Variants in FAM135A observed in about 807,000 individuals in gnomAD.
FAM135A encodes family with sequence similarity 135 member A.
A neutral mutation model predicts 146.8 loss-of-function variants in FAM135A; 79 were observed. The observed-to-expected ratio is 0.54, with a 90% CI of 0.45 to 0.65. The LOEUF is 0.65. Among genes scored for constraint, FAM135A ranks in the 30% least tolerant of loss-of-function variants. FAM135A has a pLI of 0.00. For synonymous variants in FAM135A, 562 were observed against 603.6 expected (o/e 0.93, Z 1.01); for missense variants, 1,623 against 1,758.2 (o/e 0.92, Z 1.38).
At chr6:70,537,986 T>G (rs1349388713) in intron 19 of FAM135A, among the ~76,000 whole-genome samples, 1 of 152,344 alleles carries the variant, frequency 6.6e-6, no homozygotes, top group African/African-American at 2.4e-5. Flanking sequence ...TTTGAACAAA[T>G]ATATTGAAAG....
intron 20 of FAM135A, among the ~76,000 whole-genome samples, chr6:70,552,387 C>T (rs114213658): frequency 0.021 from 3,103 of 151,344 alleles, 104 homozygotes; most frequent in African/African-American, 0.071. Context: ...TTAGCTGTGT[C>T]CTTAGTGAAT....
Position 70,452,866 on chromosome 6 carries a change from T to C in FAM135A, c.157+295T>C, listed in dbSNP as rs116845342. ...AGATGCAATCTAAAAAGATACGCAGTAAATGGGAACATATAATTTGACTTA... is the reference window on the plus strand; with the variant it reads ...AGATGCAATCTAAAAAGATACGCAGCAAATGGGAACATATAATTTGACTTA... On this transcript the variant is annotated intron_variant, in intron 5 of 21. Coordinates refer to ENST00000418814, the MANE Select transcript of FAM135A (RefSeq NM_001162529.3). 8.7e-3 allele frequency among the ~76,000 whole-genome samples: 1,320 copies of C among 152,326 alleles called. 9 individuals carry two copies. Among genetic ancestry groups the C allele is most frequent in the Middle Eastern group, 0.027 (8 of 294 alleles).
rs1242891663 is a variant in FAM135A, at chr6:70,542,276, A to ACACACACACACACACACC, written c.4228+3876_4228+3877insACACACACACACACACCC. The stretch of plus-strand genomic sequence containing the variant: ...CACACACACACACACACACACACAC[A>ACACACACACACACACACC]CCCTTTGCTGTGGTCATGCTATTCA... On this transcript the variant is annotated intron_variant, in intron 20 of 21. Transcript: ENST00000418814. Among the ~76,000 whole-genome samples the ACACACACACACACACACC allele has an allele frequency of 7.2e-3, 1,081 of 149,114 alleles. 11 individuals are homozygous for ACACACACACACACACACC. Among genetic ancestry groups the ACACACACACACACACACC allele is most frequent in the African/African-American group, 0.025 (1,010 of 40,536 alleles).
At chr6:70,471,049 G>A (rs561388460) in intron 5 of FAM135A, among the ~76,000 whole-genome samples, 8 of 152,328 alleles carry the variant, frequency 5.3e-5, no homozygotes, top group Non-Finnish European at 8.8e-5. Flanking sequence ...GGAAAATACG[G>A]TATGATTGCT....
chr6:70,538,495 G>A, intron 20 of FAM135A, 94 bp downstream of exon 20: 2 of 662,796 alleles, frequency 3.0e-6, no homozygotes, highest in Non-Finnish European at 4.4e-6. Flanking sequence ...TCTTTCTAGT[G>A]GTTAAAAAAA....
At chr6:70,486,245 G>T in intron 10 of FAM135A, 1 of 1,613,208 alleles carries the variant, frequency 6.2e-7, no homozygotes, top group South Asian at 1.1e-5. Flanking sequence ...AACCATCTAG[G>T]TACGTTTACA....
intron 18 of FAM135A, 56 bp from the exon 19 acceptor site, chr6:70,536,204 A>G (rs1796762381): frequency 2.7e-6 from 4 of 1,505,388 alleles, no homozygotes; most frequent in African/African-American, 1.4e-5. Flanking sequence ...ATCAGCTTTG[A>G]TTTTTGTTTC....
intron 5 of FAM135A, among the ~76,000 whole-genome samples, chr6:70,454,107 T>C (rs1777738198): frequency 6.6e-6 from 1 of 152,198 alleles, no homozygotes; most frequent in Non-Finnish European, 1.5e-5. Flanking sequence ...ATCACCATTC[T>C]AACTGGTGTG....
chr6:70,545,101 T>C (rs1798618256), intron 20 of FAM135A, among the ~76,000 whole-genome samples: 1 of 151,884 alleles, frequency 6.6e-6, no homozygotes, highest in South Asian at 2.1e-4. Flanking sequence ...ACGAGTATTA[T>C]AGATTACAGA....
At chr6:70,424,357 G>C (rs555851612) in intron 2 of FAM135A, among the ~76,000 whole-genome samples, 3 of 152,206 alleles carry the variant, frequency 2.0e-5, no homozygotes, top group South Asian at 2.1e-4. Context: ...ATTCTTTTAC[G>C]TTTCTCTCCA....
intron 2 of FAM135A, among the ~76,000 whole-genome samples, chr6:70,424,059 C>T (rs1006315890): frequency 4.6e-5 from 7 of 152,206 alleles, no homozygotes; most frequent in Non-Finnish European, 8.8e-5. Context: ...CTCATGCCCT[C>T]GCAGTGGATT....
intron 21 of FAM135A, chr6:70,557,465 AG>A (rs1801071470): frequency 6.6e-6 from 1 of 152,444 alleles, no homozygotes; most frequent in South Asian, 2.1e-4. Flanking sequence ...AGGCCAAGGC[AG>A]GTAGATCACC....
intron 14 of FAM135A, 23 bp from the exon 15 acceptor site, chr6:70,524,320 A>G: frequency 6.8e-7 from 1 of 1,461,656 alleles, no homozygotes; most frequent in Non-Finnish European, 9.0e-7. Flanking sequence ...TTAAACCTGA[A>G]TCTTTTTTTC....
At chr6:70,521,219 A>T (rs1418943055) in intron 12 of FAM135A, among the ~76,000 whole-genome samples, 1 of 152,178 alleles carries the variant, frequency 6.6e-6, no homozygotes, top group East Asian at 1.9e-4. Flanking sequence ...AATGATCATT[A>T]TTGTAGGACT....
chr6:70,444,932 A>G (rs1383686613), intron 4 of FAM135A, among the ~76,000 whole-genome samples: 1 of 152,142 alleles, frequency 6.6e-6, no homozygotes, highest in African/African-American at 2.4e-5. Context: ...TTTTAAAAGT[A>G]TTTTACTTTT....
chr6:70,470,041 G>A (rs1562477175), intron 5 of FAM135A, among the ~76,000 whole-genome samples: 1 of 151,670 alleles, frequency 6.6e-6, no homozygotes, highest in Non-Finnish European at 1.5e-5. Context: ...ATGAGAGAAT[G>A]CATATTATAT....
chr6:70,504,995 T>A (rs1332412520), intron 12 of FAM135A: 1 of 151,924 alleles, frequency 6.6e-6, no homozygotes, highest in Non-Finnish European at 1.5e-5. Flanking sequence ...AGTACTTCTA[T>A]ATAATTTTCA....
At chr6:70,475,363 G>C in intron 5 of FAM135A, 47 bp from the exon 6 acceptor site, 1 of 1,447,488 alleles carries the variant, frequency 6.9e-7, no homozygotes, top group South Asian at 1.4e-5. Context: ...ATTTGCTTGT[G>C]TTATATTTTA....
intron 12 of FAM135A, among the ~76,000 whole-genome samples, chr6:70,511,920 A>T (rs1791075724): frequency 6.6e-6 from 1 of 151,924 alleles, no homozygotes. Context: ...AACATAGAAA[A>T]GGTACAGTAA....
Sources: gnomAD v4.1 joint callset for allele counts (sites outside exome capture counted in the v4.1 genomes callset) on GRCh38, gnomAD v4.1.1 for gene constraint, MANE v1.5 for transcripts, NCBI Gene and HGNC (gene_info 2026-07-23, HGNC 2026-07-21) for gene names.